UPP2: variants seen among roughly 807,000 people sequenced by gnomAD.
UPP2 encodes uridine phosphorylase 2.
UPP2 carries 23 observed loss-of-function variants against 26.7 expected under a neutral mutation model. The observed-to-expected ratio is 0.86, with a 90% CI of 0.62 to 1.22. The LOEUF (loss-of-function observed/expected upper bound fraction) is 1.22, where lower values mean the gene tolerates loss of function less well. Ranked by LOEUF, UPP2 falls within the 50% of genes most tolerant of loss-of-function variation. UPP2 has a pLI of 0.00. For missense variants in UPP2, 387 were observed against 396.7 expected (o/e 0.98, Z 0.21); for synonymous variants, 127 against 141.3 (o/e 0.90, Z 0.72).
chr2:158,019,267 G>T (rs1402197925), intron 3 of UPP2, among the ~76,000 whole-genome samples: 2 of 152,170 alleles, frequency 1.3e-5, no homozygotes, highest in Non-Finnish European at 2.9e-5. Flanking sequence ...AGTCACTTTT[G>T]TCTCCACAGA....
At chr2:158,006,000 A>C (rs1028052525) in intron 2 of UPP2, among the ~76,000 whole-genome samples, 2 of 152,200 alleles carry the variant, frequency 1.3e-5, no homozygotes, top group Admixed American at 1.3e-4. Context: ...GTCTCATTAC[A>C]CTGCGCAGCT....
At chr2:158,130,633 T>C (rs1291252274) in intron 6 of UPP2, among the ~76,000 whole-genome samples, 2 of 152,154 alleles carry the variant, frequency 1.3e-5, no homozygotes, top group Non-Finnish European at 2.9e-5. Flanking sequence ...CAATTCTTCA[T>C]AGGTATAATG....
intron 6 of UPP2, among the ~76,000 whole-genome samples, chr2:158,134,376 TC>T (rs921649685): frequency 6.6e-6 from 1 of 152,156 alleles, no homozygotes; most frequent in African/African-American, 2.4e-5. Flanking sequence ...AGTTATATCC[TC>T]CCGTAAAAGA....
intron 2 of UPP2, among the ~76,000 whole-genome samples, chr2:157,998,435 G>T (rs952540730): frequency 6.6e-6 from 1 of 152,192 alleles, no homozygotes; most frequent in Non-Finnish European, 1.5e-5. Context: ...TGTGGGGGAT[G>T]TTGCCCACTT....
At chr2:158,124,275 G>A (rs188429051) in intron 6 of UPP2, among the ~76,000 whole-genome samples, 1 of 152,300 alleles carries the variant, frequency 6.6e-6, no homozygotes, top group East Asian at 1.9e-4. Flanking sequence ...GTCAGGGAAG[G>A]ATGGGAGAAG....
intron 3 of UPP2, chr2:158,065,685 A>G (rs1682423531): frequency 1.6e-6 from 1 of 620,428 alleles, no homozygotes; most frequent in African/African-American, 1.8e-5. Flanking sequence ...ACAATAGATA[A>G]GAGTATGTAA....
chr2:158,068,971 C>G (rs111722594), intron 3 of UPP2, among the ~76,000 whole-genome samples: 1 of 150,158 alleles, frequency 6.7e-6, no homozygotes, highest in Non-Finnish European at 1.5e-5. Context: ...GTGCCCGCCA[C>G]CACGCCAGGC....
chr2:158,001,713 G>A (rs1683410152), intron 2 of UPP2, among the ~76,000 whole-genome samples: 1 of 152,094 alleles, frequency 6.6e-6, no homozygotes, highest in Admixed American at 6.5e-5. Flanking sequence ...CACAAAACAT[G>A]TGTCTGCTCT....
intron 3 of UPP2, among the ~76,000 whole-genome samples, chr2:158,023,742 G>C (rs944493350): frequency 1.2e-5 from 1 of 82,670 alleles, no homozygotes; most frequent in Non-Finnish European, 2.4e-5. Context: ...AGGCCAGAGG[G>C]AGACACCATA....
intron 3 of UPP2, among the ~76,000 whole-genome samples, chr2:158,050,598 G>C (rs892960257): frequency 3.9e-5 from 6 of 152,038 alleles, no homozygotes; most frequent in African/African-American, 1.4e-4. Context: ...GGAAGTTCCA[G>C]GCCAGTGTGG....
At chr2:158,017,701 G>A (rs572395731) in intron 3 of UPP2, among the ~76,000 whole-genome samples, 1 of 152,150 alleles carries the variant, frequency 6.6e-6, no homozygotes, top group South Asian at 2.1e-4. Flanking sequence ...AAGCTGATGT[G>A]GGCCTGTGGG....
At position 158,045,180 on chromosome 2, in the gene UPP2, CT is replaced by C. The variant is rs143612261; in HGVS notation, c.147+29298del. ...ATGACAGGAGGAATTTTCAAAATCCCTTTTAGAATTTCAGGAACTAACTTGG... is the reference window on the plus strand; with the variant it reads ...ATGACAGGAGGAATTTTCAAAATCCCTTTAGAATTTCAGGAACTAACTTGG... On this transcript the variant is annotated intron_variant, in intron 3 of 9. Coordinates refer to the UPP2 transcript ENST00000605860. Among the ~76,000 whole-genome samples the C allele has an allele frequency of 7.5e-3, 1,145 of 152,226 alleles. 16 individuals are homozygous for C. Among genetic ancestry groups the C allele is most frequent in the African/African-American group, 0.026 (1,087 of 41,544 alleles).
intron 3 of UPP2, among the ~76,000 whole-genome samples, chr2:158,032,997 C>T (rs1683946169): frequency 6.6e-6 from 1 of 152,016 alleles, no homozygotes; most frequent in South Asian, 2.1e-4. Context: ...CTGGTATTTA[C>T]CAGTATTGGC....
chr2:157,998,987 C>T (rs1473014568), intron 2 of UPP2, among the ~76,000 whole-genome samples: 1 of 152,150 alleles, frequency 6.6e-6, no homozygotes, highest in Non-Finnish European at 1.5e-5. Flanking sequence ...GGTTGTCCCA[C>T]TGCTCACTGA....
intron 3 of UPP2, among the ~76,000 whole-genome samples, chr2:158,018,305 G>C (rs889956948): frequency 1.3e-5 from 2 of 152,240 alleles, no homozygotes; most frequent in Non-Finnish European, 2.9e-5. Context: ...TATTAAGACG[G>C]TTTGGATTAT....
At chr2:158,069,573 G>A (rs575488272) in intron 3 of UPP2, among the ~76,000 whole-genome samples, 53 of 152,286 alleles carry the variant, frequency 3.5e-4, no homozygotes, top group African/African-American at 8.4e-4. Flanking sequence ...CACCGTGGTC[G>A]TCAGCTTCCC....
chr2:157,996,408 TC>T, intron 2 of UPP2, among the ~76,000 whole-genome samples: 1 of 152,354 alleles, frequency 6.6e-6, no homozygotes, highest in East Asian at 1.9e-4. Flanking sequence ...ACTTGTTTAC[TC>T]CCTATTGAAT....
Position 158,105,136 on chromosome 2 carries a change from G to C in UPP2, c.63-963G>C, listed in dbSNP as rs539313913. On this transcript the variant is annotated intron_variant, in intron 1 of 6. Transcript: ENST00000005756. The stretch of plus-strand genomic sequence containing the variant: ...GACGTCTTGACCCACTGTGGTGTGG[G>C]GGTAGATAACTTTTATCACTAACAA... Among the ~76,000 whole-genome samples the C allele has an allele frequency of 1.3e-4, 19 of 151,826 alleles. No homozygotes were observed. In the East Asian group the frequency reaches 3.5e-3, roughly 28 times the overall value.
chr2:158,131,845 T>C (rs577925142), intron 6 of UPP2, among the ~76,000 whole-genome samples: 134 of 152,364 alleles, frequency 8.8e-4, no homozygotes, highest in African/African-American at 2.6e-3. Flanking sequence ...AAGATTATTA[T>C]ATGCTGCTCG....
Sources: gnomAD v4.1 joint callset for allele counts (sites outside exome capture counted in the v4.1 genomes callset) on GRCh38, gnomAD v4.1.1 for gene constraint, MANE v1.5 for transcripts, NCBI Gene and HGNC (gene_info 2026-07-23, HGNC 2026-07-21) for gene names.